R3HDM1: variants seen among roughly 807,000 people sequenced by gnomAD.
R3HDM1 encodes the protein R3H domain containing 1.
R3HDM1 carries 46 observed loss-of-function variants against 141.1 expected under a neutral mutation model. The ratio of observed to expected loss-of-function variants is 0.33; its 90% confidence interval spans 0.26 to 0.42. The LOEUF (loss-of-function observed/expected upper bound fraction) is 0.42, where lower values mean the gene tolerates loss of function less well. R3HDM1 is among the 10% of genes least tolerant of loss of function. The probability of loss-of-function intolerance (pLI) is 1.00; values close to 1 mark genes in which losing one functional copy is unlikely to be tolerated. For missense variants in R3HDM1, 1,184 were observed against 1,368.3 expected, an observed-to-expected ratio of 0.87 and a Z score of 2.12; for synonymous variants, 435 against 472.9, an observed-to-expected ratio of 0.92 and a Z score of 1.04.
chr2:135,651,806 C>G lies in R3HDM1; in HGVS notation c.1802C>G (p.Ala601Gly), dbSNP rs555940941. 27 of 1,614,166 alleles carry G rather than the reference C, an allele frequency of 1.7e-5. No homozygotes were observed. The East Asian group carries it at 5.3e-4, about 32-fold the overall frequency. ...QPSADGSDPH[A>G]AMFQSTVVLQ... ...TCTGCTGATGGTTCTGACCCTCATG[C>G]CGCCATGTTCCAGTCCACTGTGGTT... The change falls in exon 18 of 27, where the codon GCC becomes GGC. Residue 601 changes from alanine (A) to glycine (G), a missense_variant. Physicochemically the swap from Ala to Gly is moderately conservative, Grantham distance 60. Coordinates refer to ENST00000683871, the MANE Select transcript of R3HDM1 (RefSeq NM_001378107.1).
chr2:135,566,851 A>T, intron 1 of R3HDM1: 1 of 774,410 alleles, frequency 1.3e-6, no homozygotes, highest in Non-Finnish European at 1.6e-6. Flanking sequence ...GGGTACCTGT[A>T]ATCCCAGCTA....
intron 1 of R3HDM1, among the ~76,000 whole-genome samples, chr2:135,593,053 G>A (rs1398864081): frequency 6.6e-6 from 1 of 152,006 alleles, no homozygotes; most frequent in Non-Finnish European, 1.5e-5. Context: ...CCAAATAGCT[G>A]GGATTACAGG....
At chr2:135,574,853 C>T (rs1705013205) in intron 1 of R3HDM1, among the ~76,000 whole-genome samples, 1 of 152,026 alleles carries the variant, frequency 6.6e-6, no homozygotes, top group South Asian at 2.1e-4. Flanking sequence ...GTCCTAAAGC[C>T]AGGAATCTTA....
At position 135,651,719 on chromosome 2, in the gene R3HDM1, T is replaced by C; in HGVS notation, c.1726-11T>C. 1 of 1,588,246 alleles carries C rather than the reference T, an allele frequency of 6.3e-7. No individual in the cohort carries two copies. The highest frequency in any genetic ancestry group is 1.1e-5 in the South Asian group (1 of 87,912). On this transcript the variant is annotated splice_polypyrimidine_tract_variant and intron_variant, in intron 17 of 26. Transcript: ENST00000683871. ...GAAGGCTTACTAATTTTTGACTTCT[T>C]CCTTTTTTAGCAGGATAACCTAGGG...
At position 135,564,684 on chromosome 2, in the gene R3HDM1, T is replaced by C. The variant is rs7597350; in HGVS notation, c.-250+33051T>C. ...GAGATTGGTCTCAAAGTGTCACATTTCCCATATGTGTAGGTCCTAGCACAT... is the reference window on the plus strand; with the variant it reads ...GAGATTGGTCTCAAAGTGTCACATTCCCCATATGTGTAGGTCCTAGCACAT... On this transcript the variant is annotated intron_variant, in intron 1 of 26. Transcript: ENST00000683871. Among the ~76,000 whole-genome samples, 1,499 of 152,318 alleles carry C rather than the reference T, an allele frequency of 9.8e-3. 23 individuals are homozygous for C. The highest frequency in any genetic ancestry group is 0.034 in the African/African-American group (1,430 of 41,560).
At chr2:135,714,790 C>CACAG (rs1553639153) in intron 23 of R3HDM1, among the ~76,000 whole-genome samples, 7 of 151,736 alleles carry the variant, frequency 4.6e-5, no homozygotes, top group East Asian at 1.9e-4. Flanking sequence ...CACACACACA[C>CACAG]AGAGAAAGCA....
chr2:135,542,942 G>T (rs1426002527), intron 1 of R3HDM1, among the ~76,000 whole-genome samples: 1 of 152,164 alleles, frequency 6.6e-6, no homozygotes, highest in East Asian at 1.9e-4. Context: ...TCACCATGTT[G>T]GCTAGGCTGG....
In R3HDM1 at chr2:135,639,236, A is replaced by G. The variant is rs903997911; in HGVS notation, c.1219+114A>G. The G allele has an allele frequency of 1.8e-5, 19 of 1,040,442 alleles. No homozygotes were observed. In the East Asian group the frequency reaches 4.9e-4, roughly 27 times the overall value. The allele number at this position is 1,040,442 out of a possible 1,614,324, so 64.5% of individuals were successfully genotyped here. On this transcript the variant is annotated intron_variant, in intron 14 of 26. Transcript: ENST00000683871. ...ATCCTAAAATATAAAATCACTATCA[A>G]TAGTACCTTGACCACCTCCGGAGCA... is the stretch of plus-strand genomic sequence containing the variant.
In R3HDM1 at chr2:135,645,508, C is replaced by T; in HGVS notation, c.1604C>T (p.Ala535Val). Residue 535 changes from alanine to valine, a missense_variant, in exon 16 of 27, where the codon GCT becomes GTT. Ala to Val is a moderately conservative substitution (Grantham distance 64). This residue lies in a region of R3HDM1 where 563 missense variants were observed against 562.0 expected (regional missense o/e 1.00). Transcript: ENST00000683871. Reference protein sequence around the residue: ...PLPAPPQQPAANHIFSQPVHP... With the variant: ...PLPAPPQQPAVNHIFSQPVHP... ...CCAGCCCCACCTCAACAACCAGCAG[C>T]TAATCACATTTTCTCACAGGTGCAC... The T allele has an allele frequency of 6.2e-7, 1 of 1,614,044 alleles. No individual in the cohort carries two copies. The highest frequency in any genetic ancestry group is 1.1e-5 in the South Asian group (1 of 91,052).
At chr2:135,556,294 G>A (rs1388526059) in intron 1 of R3HDM1, among the ~76,000 whole-genome samples, 1 of 152,076 alleles carries the variant, frequency 6.6e-6, no homozygotes. Context: ...AAAATTGATT[G>A]TAGTGAGGGT....
rs964298690 is a variant in R3HDM1 at position 135,548,009 on chromosome 2, T to C, written c.-250+16376T>C. Among the ~76,000 whole-genome samples, 5 of 152,244 alleles carry C rather than the reference T, an allele frequency of 3.3e-5. No homozygotes were observed. The Middle Eastern group carries it at 0.01, about 311-fold the overall frequency. Reference sequence around the variant, plus strand: ...GGATGGTCTCGATCTCCTGACCTCGTGATCCACCCGCCTTAGCCTCCTAAA... The same window carrying C: ...GGATGGTCTCGATCTCCTGACCTCGCGATCCACCCGCCTTAGCCTCCTAAA... On this transcript the variant is annotated intron_variant, in intron 1 of 26. Transcript: ENST00000683871.
chr2:135,645,273 A>T (rs2064271599), intron 15 of R3HDM1, 106 bp from the exon 16 acceptor site: 8 of 969,354 alleles, frequency 8.3e-6, no homozygotes, highest in Non-Finnish European at 1.2e-5. Context: ...GTTTTTTTTT[A>T]ATTGTGGTTA....
chr2:135,669,222 G>C, intron 19 of R3HDM1: 1 of 985,316 alleles, frequency 1.0e-6, no homozygotes, highest in Non-Finnish European at 1.2e-6. Flanking sequence ...GACAAACCAA[G>C]GGAAGGACTG....
intron 21 of R3HDM1, among the ~76,000 whole-genome samples, chr2:135,699,887 CA>C (rs1303362777): frequency 6.6e-6 from 1 of 151,990 alleles, no homozygotes; most frequent in East Asian, 1.9e-4. Flanking sequence ...GTCTTACCAG[CA>C]ATCCAAAAAA....
intron 7 of R3HDM1, among the ~76,000 whole-genome samples, chr2:135,628,818 G>A (rs2062322600): frequency 6.6e-6 from 1 of 151,944 alleles, no homozygotes; most frequent in Admixed American, 6.6e-5. Context: ...AGAGATGGGG[G>A]TTTCTCCGTG....
intron 1 of R3HDM1, among the ~76,000 whole-genome samples, chr2:135,601,207 A>G (rs537948334): frequency 2.9e-4 from 44 of 152,222 alleles, no homozygotes; most frequent in African/African-American, 9.2e-4. Flanking sequence ...TAATCATTTG[A>G]TGTAGTGGCT....
chr2:135,686,335 G>A (rs2071338608), intron 21 of R3HDM1, among the ~76,000 whole-genome samples: 1 of 152,196 alleles, frequency 6.6e-6, no homozygotes, highest in Non-Finnish European at 1.5e-5. Flanking sequence ...TATTTATGCA[G>A]AAGAATTGAA....
intron 11 of R3HDM1, among the ~76,000 whole-genome samples, chr2:135,637,272 C>T (rs2063349581): frequency 6.6e-6 from 1 of 152,090 alleles, no homozygotes; most frequent in Non-Finnish European, 1.5e-5. Context: ...AAGAAGTAAC[C>T]TTACAGGAGT....
chr2:135,551,074 T>A (rs1303394146), intron 1 of R3HDM1, among the ~76,000 whole-genome samples: 1 of 152,214 alleles, frequency 6.6e-6, no homozygotes, highest in African/African-American at 2.4e-5. Flanking sequence ...TCCAAATTTG[T>A]AAGTTATATA....
Sources: allele counts gnomAD v4.1 joint callset (sites outside exome capture counted in the v4.1 genomes callset), GRCh38; gene constraint gnomAD v4.1.1; regional missense constraint gnomAD v4.1.1; transcripts MANE v1.5; gene names NCBI Gene and HGNC (gene_info 2026-07-23, HGNC 2026-07-21).